ZFTRAF1: variants seen among roughly 807,000 people sequenced by gnomAD.
ZFTRAF1 encodes the protein zinc finger TRAF-type and ring finger containing 1.
chr8:144,458,472 C>T, the ZFTRAF1 span, among the ~76,000 whole-genome samples: 1 of 152,204 alleles, frequency 6.6e-6, no homozygotes, highest in Non-Finnish European at 1.5e-5. Flanking sequence ...TACTGCTGCC[C>T]AGGAGACTGG....
the ZFTRAF1 span, among the ~76,000 whole-genome samples, chr8:144,461,806 G>A: frequency 6.6e-6 from 1 of 152,190 alleles, no homozygotes; most frequent in African/African-American, 2.4e-5. Flanking sequence ...AGGATGTTCA[G>A]GAGTGGAGGG....
At chr8:144,450,117 GGCGCCTGGT>G in the ZFTRAF1 span, 1 of 474,706 alleles carries the variant, frequency 2.1e-6, no homozygotes. Flanking sequence ...TGAGCCTCGG[GGCGCCTGGT>G]GCACCGTCTC....
the ZFTRAF1 span, among the ~76,000 whole-genome samples, chr8:144,459,215 G>T: frequency 6.6e-6 from 1 of 152,202 alleles, no homozygotes; most frequent in African/African-American, 2.4e-5. Flanking sequence ...CACTGCCCTC[G>T]GGCCGCAGAG....
the ZFTRAF1 span, chr8:144,454,198 C>A: frequency 6.6e-6 from 1 of 152,374 alleles, no homozygotes; most frequent in African/African-American, 2.4e-5. Flanking sequence ...TGTGTGGGCT[C>A]CCAGCACGCC....
the ZFTRAF1 span, among the ~76,000 whole-genome samples, chr8:144,459,346 G>A: frequency 6.6e-6 from 1 of 152,240 alleles, no homozygotes; most frequent in Non-Finnish European, 1.5e-5. Context: ...CCAGAAGGTG[G>A]CTGCACACCT....
the ZFTRAF1 span, chr8:144,462,859 T>C: frequency 2.0e-5 from 3 of 152,144 alleles, no homozygotes; most frequent in South Asian, 5.3e-4. Context: ...ATCTTTGTTT[T>C]CGCTGTGCGC....
chr8:144,459,701 C>A, the ZFTRAF1 span, among the ~76,000 whole-genome samples: 1 of 152,218 alleles, frequency 6.6e-6, no homozygotes, highest in Non-Finnish European at 1.5e-5. Flanking sequence ...TGGAGTTGTC[C>A]CCCACAGCCC....
At chr8:144,452,126 CTG>C in the ZFTRAF1 span, 1 of 588,034 alleles carries the variant, frequency 1.7e-6, no homozygotes, top group Non-Finnish European at 3.1e-6. Flanking sequence ...GGCGGGGCTG[CTG>C]TGAGAGCCAC....
the ZFTRAF1 span, chr8:144,450,632 C>T: frequency 1.4e-6 from 1 of 718,062 alleles, no homozygotes; most frequent in Non-Finnish European, 2.6e-6. Context: ...CGTACGCTTG[C>T]AGGACAGGTT....
At chr8:144,450,656 G>A in the ZFTRAF1 span, 7 of 717,882 alleles carry the variant, frequency 9.8e-6, no homozygotes, top group East Asian at 5.4e-5. Context: ...GTTACGCTCC[G>A]AGTCGTTGAC....
At chr8:144,459,135 C>A in the ZFTRAF1 span, among the ~76,000 whole-genome samples, 5,838 of 152,336 alleles carry the variant, frequency 0.038, 388 homozygotes, top group African/African-American at 0.13. Context: ...GCGGCTGCAA[C>A]GTCCCGGGCA....
At chr8:144,451,055 G>A in the ZFTRAF1 span, 1 of 389,962 alleles carries the variant, frequency 2.6e-6, no homozygotes, top group Non-Finnish European at 4.7e-6. Flanking sequence ...ACCCACGCTG[G>A]CCTCCCTCAC....
the ZFTRAF1 span, chr8:144,462,345 G>A: frequency 2.0e-6 from 1 of 501,104 alleles, no homozygotes; most frequent in Non-Finnish European, 3.6e-6. Context: ...GAGTAGAGCC[G>A]CTCCTCCAGT....
chr8:144,450,008 G>A, the ZFTRAF1 span: 7 of 254,534 alleles, frequency 2.8e-5, no homozygotes, highest in South Asian at 7.1e-5. Flanking sequence ...CCCGCGCCCC[G>A]CCGGAACCCG....
At chr8:144,450,441 T>G in the ZFTRAF1 span, 1 of 718,134 alleles carries the variant, frequency 1.4e-6, no homozygotes. Context: ...AGCAGCTTGT[T>G]GCACTCCACG....
chr8:144,454,932 G>C, the ZFTRAF1 span: 1 of 152,272 alleles, frequency 6.6e-6, no homozygotes, highest in East Asian at 1.9e-4. Flanking sequence ...GTGGAGAACC[G>C]ACAGTGAGGA....
At chr8:144,452,363 G>A in the ZFTRAF1 span, 1 of 1,549,010 alleles carries the variant, frequency 6.5e-7, no homozygotes, top group Non-Finnish European at 8.7e-7. Context: ...CCTCACCTGT[G>A]TAGCCAATCT....
chr8:144,460,345 T>G, the ZFTRAF1 span, among the ~76,000 whole-genome samples: 1 of 152,248 alleles, frequency 6.6e-6, no homozygotes, highest in East Asian at 1.9e-4. Flanking sequence ...GCAGGCCGGT[T>G]TGAACCAGCT....
the ZFTRAF1 span, chr8:144,452,639 A>C: frequency 2.9e-6 from 4 of 1,396,840 alleles, no homozygotes; most frequent in South Asian, 4.0e-5. Context: ...CTGTCCTCCC[A>C]TATGGCTTCC....
Sources: gnomAD v4.1 joint callset for allele counts (sites outside exome capture counted in the v4.1 genomes callset) on GRCh38, gnomAD v4.1.1 for gene constraint, MANE v1.5 for transcripts, NCBI Gene and HGNC (gene_info 2026-07-23, HGNC 2026-07-21) for gene names.